CR1: variants seen among roughly 807,000 people sequenced by gnomAD.
The protein encoded by CR1 is complement C3b/C4b receptor 1 (Knops blood group).
A neutral mutation model predicts 187.3 loss-of-function variants in CR1; 116 were observed. The ratio of observed to expected loss-of-function variants is 0.62; its 90% confidence interval spans 0.53 to 0.72. The LOEUF is 0.72. CR1 is among the 30% of genes least tolerant of loss of function. The probability of loss-of-function intolerance (pLI) is 0.00; values close to 1 mark genes in which losing one functional copy is unlikely to be tolerated. For synonymous variants in CR1, 576 were observed against 747.1 expected, an observed-to-expected ratio of 0.77 and a Z score of 3.73; for missense variants, 1,731 against 2,110.7, an observed-to-expected ratio of 0.82 and a Z score of 3.52.
Position 207,588,662 on chromosome 1 carries a change from C to A in CR1, c.5711-13C>A. 1 of 1,588,284 alleles carries A rather than the reference C, an allele frequency of 6.3e-7. No homozygotes were observed. Among genetic ancestry groups the A allele is most frequent in the East Asian group, 2.2e-5 (1 of 44,694 alleles). On this transcript the variant is annotated splice_polypyrimidine_tract_variant and intron_variant, in intron 34 of 46. Transcript: ENST00000367049. ...ACTCTATATTTAATCCCAAATTCTG[C>A]TTCTTCCCCTAGGAAAATCATGTGG... is the stretch of plus-strand genomic sequence containing the variant.
At chr1:207,575,113 G>A (rs1343583334) in intron 27 of CR1, among the ~76,000 whole-genome samples, 7 of 151,702 alleles carry the variant, frequency 4.6e-5, no homozygotes, top group African/African-American at 9.7e-5. Context: ...TAATCCTCTT[G>A]TTGAAAAACA....
At position 207,519,946 on chromosome 1, in the gene CR1, T is replaced by C. The variant is rs146302927; in HGVS notation, c.488-3665T>C. Among the ~76,000 whole-genome samples, 1,011 of 152,364 alleles carry C rather than the reference T, an allele frequency of 6.6e-3. 5 individuals are homozygous for C. Among genetic ancestry groups the C allele is most frequent in the Non-Finnish European group, 0.01 (686 of 68,030 alleles). ...GGTCTGTTTACATCTTCACTTGTTA[T>C]AGTTTGCAGTTTACAGAGAAACCTT... On this transcript the variant is annotated intron_variant, in intron 4 of 46. Coordinates refer to ENST00000367049, the MANE Select transcript of CR1 (RefSeq NM_000651.6).
intron 34 of CR1, among the ~76,000 whole-genome samples, chr1:207,588,240 G>A (rs564799967): frequency 2.1e-4 from 32 of 152,208 alleles, no homozygotes; most frequent in African/African-American, 5.5e-4. Context: ...GTGTAGTGGC[G>A]CGATCTTGGC....
chr1:207,544,740 C>T (rs1660263003), intron 13 of CR1, among the ~76,000 whole-genome samples: 1 of 148,300 alleles, frequency 6.7e-6, no homozygotes, highest in Non-Finnish European at 1.5e-5. Context: ...CACCTTGCTA[C>T]ATAGCATGAA....
Position 207,639,540 on chromosome 1 carries a change from A to C in CR1, c.*131A>C. 1 of 835,338 alleles carries C rather than the reference A, an allele frequency of 1.2e-6. No homozygotes were observed. 51.7% of individuals were successfully genotyped at this position (835,338 alleles called of 1,614,324 possible). Reference sequence around the variant, plus strand: ...ACTTCACAGAGACGCAGACATGTGCACTTGAAGATGCTGCCCCTTCCCTGG... The same window carrying C: ...ACTTCACAGAGACGCAGACATGTGCCCTTGAAGATGCTGCCCCTTCCCTGG... On this transcript the variant is annotated 3_prime_UTR_variant, in exon 47 of 47. Coordinates refer to ENST00000367049, the MANE Select transcript of CR1 (RefSeq NM_000651.6).
At position 207,554,547 on chromosome 1, in the gene CR1, A is replaced by C. The variant is rs1443432813; in HGVS notation, c.3101+1696A>C. On this transcript the variant is annotated intron_variant, in intron 19 of 46. Coordinates refer to ENST00000367049, the MANE Select transcript of CR1 (RefSeq NM_000651.6). ...AGAGCTCTAATGGAGATGGACATGG[A>C]GATGAATGGAGTTTTCCTGCCTGCT... is the stretch of plus-strand genomic sequence containing the variant. Among the ~76,000 whole-genome samples, 3 of 53,342 alleles carry C rather than the reference A, an allele frequency of 5.6e-5. 1 individual carries two copies. The highest frequency in any genetic ancestry group is 9.2e-5 in the Non-Finnish European group (3 of 32,446). The allele number at this position is 53,342 out of a possible 152,430, so 35.0% of individuals were successfully genotyped here.
intron 29 of CR1, among the ~76,000 whole-genome samples, chr1:207,579,130 T>A (rs1462534247): frequency 6.6e-6 from 1 of 152,234 alleles, no homozygotes; most frequent in Non-Finnish European, 1.5e-5. Context: ...AACAGGACTA[T>A]AAATAAAGGC....
In CR1 at chr1:207,523,920, G is replaced by C; in HGVS notation, c.797G>C (p.Cys266Ser). ...TTAAATGAAGTTGTGGAGTTTAGGT[G>C]TCAGCCTGGCTTTGTCATGAAAGGA... is the stretch of plus-strand genomic sequence containing the variant. ...FSLNEVVEFR[C>S]QPGFVMKGPR... Residue 266 changes from cysteine (C) to serine (S), a missense_variant, in exon 5 of 47, where the codon TGT (cysteine) becomes TCT (serine). Coordinates refer to ENST00000367049, the MANE Select transcript of CR1 (RefSeq NM_000651.6). 1 of 1,611,176 alleles carries C rather than the reference G, an allele frequency of 6.2e-7. No homozygotes were observed. The highest frequency in any genetic ancestry group is 2.2e-5 in the East Asian group (1 of 44,884).
intron 2 of CR1, 59 bp from the exon 3 acceptor site, chr1:207,506,655 A>T: frequency 7.1e-7 from 1 of 1,404,110 alleles, no homozygotes. Context: ...GACCTTATGT[A>T]CTAAAAAAAG....
intron 29 of CR1, 76 bp from the exon 30 acceptor site, chr1:207,580,164 C>T: frequency 6.4e-7 from 1 of 1,558,388 alleles, no homozygotes; most frequent in African/African-American, 1.4e-5. Context: ...CTACCTCTGA[C>T]TAGCTATGAG....
chr1:207,588,679 A>C lies in CR1; in HGVS notation c.5715A>C (p.Lys1905Asn), dbSNP rs1661182928. The C allele has an allele frequency of 6.2e-7, 1 of 1,611,092 alleles. No individual in the cohort carries two copies. Among genetic ancestry groups the C allele is most frequent in the East Asian group, 2.2e-5 (1 of 44,838 alleles). Residue 1905 changes from lysine to asparagine, a missense_variant, in exon 35 of 47, where the codon AAA becomes AAC. Physicochemically the swap from Lys to Asn is moderately conservative, Grantham distance 94 (BLOSUM62 0). Transcript: ENST00000367049. ...AAATTCTGCTTCTTCCCCTAGGAAA[A>C]TCATGTGGACCTCCACCAGAACCCT... is the stretch of plus-strand genomic sequence containing the variant. ...WSSVEDNCRR[K>N]SCGPPPEPFN...
chr1:207,633,823 T>G (rs887509964), intron 46 of CR1, among the ~76,000 whole-genome samples: 16 of 152,120 alleles, frequency 1.1e-4, no homozygotes, highest in Non-Finnish European at 1.6e-4. Context: ...TTCACCTGGG[T>G]GCAGGCGGGC....
intron 4 of CR1, among the ~76,000 whole-genome samples, chr1:207,513,753 TCCCTC>T (rs1659697063): frequency 1.4e-5 from 1 of 72,962 alleles, no homozygotes. Flanking sequence ...CCTCCCTCCC[TCCCTC>T]CCTCCCTTCC....
chr1:207,635,330 C>A (rs1410415974), intron 46 of CR1, among the ~76,000 whole-genome samples: 1 of 151,972 alleles, frequency 6.6e-6, no homozygotes, highest in African/African-American at 2.4e-5. Context: ...GTGGCAGGGT[C>A]ATAGGATAAT....
intron 27 of CR1, among the ~76,000 whole-genome samples, chr1:207,574,466 A>G (rs1376178832): frequency 3.3e-5 from 5 of 152,206 alleles, no homozygotes; most frequent in African/African-American, 7.2e-5. Context: ...CCATTTAAGT[A>G]TGTTTCCCAG....
rs539377038 is a variant in CR1 at position 207,602,539 on chromosome 1, C to CA, written c.5811-4706dup. 2.8e-3 allele frequency among the ~76,000 whole-genome samples: 419 copies of CA among 151,830 alleles called. 1 individual carries two copies. The highest frequency in any genetic ancestry group is 9.4e-3 in the African/African-American group (389 of 41,438). ...GTCATATAAATATACTCTCTAATGC[C>CA]AAAAAACACAATGAATGGTTAAAAT... is the stretch of plus-strand genomic sequence containing the variant. On this transcript the variant is annotated intron_variant, in intron 35 of 46. Coordinates refer to ENST00000367049, the MANE Select transcript of CR1 (RefSeq NM_000651.6).
At position 207,578,001 on chromosome 1, in the gene CR1, C is replaced by T. The variant is rs148751002; in HGVS notation, c.4734C>T (p.Pro1578=). The change falls in exon 29 of 47, where the codon CCC becomes CCT. Residue 1578 remains proline, a synonymous_variant. Transcript: ENST00000367049. ...NDDQVGIWSG[P]APQCIIPNKC... is the part of the protein sequence containing the mutation. Reference sequence around the variant, plus strand: ...ATCAAGTGGGCATCTGGAGCGGCCCCGCCCCTCAGTGCATTATACCTAACA... The same window carrying T: ...ATCAAGTGGGCATCTGGAGCGGCCCTGCCCCTCAGTGCATTATACCTAACA... 7.4e-6 allele frequency: 12 copies of T among 1,611,508 alleles called. No homozygotes were observed. Among genetic ancestry groups the T allele is most frequent in the Admixed American group, 3.3e-5 (2 of 59,988 alleles).
At chr1:207,502,138 C>G (rs1205831792) in intron 1 of CR1, among the ~76,000 whole-genome samples, 1 of 151,960 alleles carries the variant, frequency 6.6e-6, no homozygotes, top group Non-Finnish European at 1.5e-5. Flanking sequence ...GTGTTAAGCA[C>G]CAGGACTAAG....
At chr1:207,610,726 T>C (rs1234496933) in intron 37 of CR1, among the ~76,000 whole-genome samples, 1 of 152,208 alleles carries the variant, frequency 6.6e-6, no homozygotes, top group Non-Finnish European at 1.5e-5. Flanking sequence ...CAATATGTTC[T>C]ATCACTAAAA....
Sources: allele counts gnomAD v4.1 joint callset (sites outside exome capture counted in the v4.1 genomes callset), GRCh38; gene constraint gnomAD v4.1.1; transcripts MANE v1.5; gene names NCBI Gene and HGNC (gene_info 2026-07-23, HGNC 2026-07-21).